The following FHIT variants were observed in gnomAD, a reference collection of about 807,000 sequenced individuals.
FHIT encodes the protein bis(5'-adenosyl)-triphosphatase.
FHIT carries 19 observed loss-of-function variants against 17.9 expected under a neutral mutation model. The ratio of observed to expected loss-of-function variants is 1.06; its 90% CI spans 0.74 to 1.56. The LOEUF (loss-of-function observed/expected upper bound fraction) is 1.56, where lower values mean the gene tolerates loss of function less well. Among genes scored for constraint, FHIT ranks in the 40% most tolerant of loss-of-function variants. The pLI is 0.00. For missense variants in FHIT, 248 were observed against 189.2 expected (o/e 1.31, Z -1.82); for synonymous variants, 81 against 69.7 (o/e 1.16, Z -0.81).
intron 4 of FHIT, among the ~76,000 whole-genome samples, chr3:60,546,806 T>C (rs186140607): frequency 2.4e-4 from 36 of 152,256 alleles, no homozygotes; most frequent in African/African-American, 7.5e-4. Flanking sequence ...TAGTAGATAA[T>C]GAAGTATACA....
At chr3:59,782,178 C>T (rs1212608181) in intron 8 of FHIT, among the ~76,000 whole-genome samples, 3 of 152,176 alleles carry the variant, frequency 2.0e-5, no homozygotes, top group Admixed American at 6.5e-5. Context: ...ATTTCAAACT[C>T]CTGACCTTCA....
intron 8 of FHIT, among the ~76,000 whole-genome samples, chr3:59,858,788 A>G (rs1349965227): frequency 6.6e-6 from 1 of 152,184 alleles, no homozygotes; most frequent in African/African-American, 2.4e-5. Context: ...ATGGGAACCA[A>G]GTTTCTGTCA....
At chr3:60,952,035 G>A (rs993747649) in intron 3 of FHIT, among the ~76,000 whole-genome samples, 15 of 151,990 alleles carry the variant, frequency 9.9e-5, no homozygotes, top group Admixed American at 2.6e-4. Flanking sequence ...GCATGGTGGC[G>A]GGCACCTGTA....
At chr3:60,553,422 A>T (rs2107629479) in intron 4 of FHIT, 1 of 922,344 alleles carries the variant, frequency 1.1e-6, no homozygotes, top group Non-Finnish European at 1.3e-6. Flanking sequence ...TTTTATGCAA[A>T]AAGAGGTCAC....
intron 5 of FHIT, among the ~76,000 whole-genome samples, chr3:60,237,025 C>A (rs1704833340): frequency 6.6e-6 from 1 of 152,122 alleles, no homozygotes; most frequent in Non-Finnish European, 1.5e-5. Context: ...TACTAGCATT[C>A]CACACTTTGG....
chr3:60,203,980 T>G (rs186863015), intron 5 of FHIT, among the ~76,000 whole-genome samples: 1 of 152,020 alleles, frequency 6.6e-6, no homozygotes. Flanking sequence ...TTAGTGAGTA[T>G]AAAAAATAGA....
chr3:60,241,665 A>G (rs867121932), intron 5 of FHIT, among the ~76,000 whole-genome samples: 3 of 152,104 alleles, frequency 2.0e-5, no homozygotes, highest in Admixed American at 6.6e-5. Flanking sequence ...GCCTGGAGAG[A>G]GTTAAATATA....
At chr3:60,467,087 A>G (rs910070050) in intron 5 of FHIT, among the ~76,000 whole-genome samples, 1 of 151,842 alleles carries the variant, frequency 6.6e-6, no homozygotes, top group Non-Finnish European at 1.5e-5. Flanking sequence ...TAGTGGTTCA[A>G]TCTTGGTAGG....
At chr3:60,625,178 G>A (rs1252642923) in intron 4 of FHIT, among the ~76,000 whole-genome samples, 1 of 152,112 alleles carries the variant, frequency 6.6e-6, no homozygotes, top group Non-Finnish European at 1.5e-5. Context: ...CAAAATGTTG[G>A]GATTACAGGC....
At chr3:60,182,207 G>T (rs1043559798) in intron 5 of FHIT, among the ~76,000 whole-genome samples, 3 of 152,126 alleles carry the variant, frequency 2.0e-5, no homozygotes, top group African/African-American at 7.2e-5. Flanking sequence ...GTTTTGGCTG[G>T]CTTCTTCACT....
rs911093759 is a variant in FHIT, at chr3:60,539,944, AATATATAT to A, written c.-17-2973_-17-2966del. Among the ~76,000 whole-genome samples, 22 of 150,066 alleles carry A rather than the reference AATATATAT, an allele frequency of 1.5e-4. 1 individual carries two copies. The highest frequency in any genetic ancestry group is 5.3e-4 in the African/African-American group (22 of 41,132). On this transcript the variant is annotated intron_variant, in intron 4 of 9. Transcript: ENST00000492590. Reference sequence around the variant, plus strand: ...ACCCTAGAACTTAAAGTATAATAAAAATATATATATATAAATAAAATAAAATAAATTAA... The same window carrying A: ...ACCCTAGAACTTAAAGTATAATAAAAATATAAATAAAATAAAATAAATTAA...
chr3:59,773,840 A>G (rs1384388641), intron 8 of FHIT, among the ~76,000 whole-genome samples: 1 of 152,162 alleles, frequency 6.6e-6, no homozygotes, highest in African/African-American at 2.4e-5. Flanking sequence ...TGTGACTACC[A>G]GGCCCCTGTA....
rs148817000 is a variant in FHIT, at chr3:60,927,020, G to A, written c.-110-105009C>T. Among the ~76,000 whole-genome samples, 1,100 of 151,968 alleles carry A rather than the reference G, an allele frequency of 7.2e-3. 12 individuals are homozygous for A. Among genetic ancestry groups the A allele is most frequent in the African/African-American group, 0.025 (1,046 of 41,442 alleles). ...CACGGTGCCCCCCTCCCTCGTCTCC[G>A]TCTCCCACTTTCCACGGTCTCCCTC... On this transcript the variant is annotated intron_variant, in intron 3 of 9. Transcript: ENST00000492590.
At chr3:60,523,078 T>C (rs2035435580) in intron 5 of FHIT, among the ~76,000 whole-genome samples, 1 of 152,126 alleles carries the variant, frequency 6.6e-6, no homozygotes, top group African/African-American at 2.4e-5. Context: ...TCGTGAGACT[T>C]ATTCATTACC....
chr3:59,813,788 T>C (rs1348358708), intron 8 of FHIT, among the ~76,000 whole-genome samples: 2 of 152,066 alleles, frequency 1.3e-5, no homozygotes, highest in East Asian at 3.9e-4. Context: ...TGGTGCGGGG[T>C]TGGGCATACA....
intron 4 of FHIT, among the ~76,000 whole-genome samples, chr3:60,563,473 A>T (rs747351474): frequency 6.6e-6 from 1 of 152,240 alleles, no homozygotes. Context: ...AGTAGAAACG[A>T]TAAAGCTTAG....
chr3:60,630,180 C>T (rs1449831206), intron 4 of FHIT, among the ~76,000 whole-genome samples: 1 of 152,168 alleles, frequency 6.6e-6, no homozygotes, highest in Non-Finnish European at 1.5e-5. Context: ...GCTTCATTTT[C>T]GAAGTTATCT....
intron 2 of FHIT, among the ~76,000 whole-genome samples, chr3:61,076,137 C>G (rs531686634): frequency 6.6e-6 from 1 of 152,162 alleles, no homozygotes; most frequent in Non-Finnish European, 1.5e-5. Flanking sequence ...ACTACCTGTT[C>G]TCTGCACACC....
chr3:60,373,951 C>A (rs912513047), intron 5 of FHIT, among the ~76,000 whole-genome samples: 2 of 152,154 alleles, frequency 1.3e-5, no homozygotes, highest in Non-Finnish European at 2.9e-5. Context: ...TTAAAACAAG[C>A]TACACAGAAG....
Sources: gnomAD v4.1 joint callset for allele counts (sites outside exome capture counted in the v4.1 genomes callset) on GRCh38, gnomAD v4.1.1 for gene constraint, MANE v1.5 for transcripts, NCBI Gene and HGNC (gene_info 2026-07-23, HGNC 2026-07-21) for gene names.